ZBTB10: variants seen among roughly 807,000 people sequenced by gnomAD.
The protein encoded by ZBTB10 is zinc finger and BTB domain-containing protein 10.
ZBTB10 carries 32 observed loss-of-function variants against 76.4 expected under a neutral mutation model. That is an observed-to-expected ratio of 0.42 (90% CI 0.32 to 0.56). ZBTB10 has a LOEUF of 0.56. ZBTB10 is among the 20% of genes least tolerant of loss of function. The pLI is 0.14. For synonymous variants in ZBTB10, 523 were observed against 432.9 expected, an observed-to-expected ratio of 1.21 and a Z score of -2.58; for missense variants, 1,057 against 1,098.5, an observed-to-expected ratio of 0.96 and a Z score of 0.53.
At position 80,524,989 on chromosome 8, in the gene ZBTB10, TCAA is replaced by T. The variant is rs374571176; in HGVS notation, c.*5465_*5467del. On this transcript the variant is annotated 3_prime_UTR_variant, in exon 6 of 6. Transcript: ENST00000455036. ...TGTAGTTGCTTTTTATTTTGCTTAG[TCAA>T]CAAACACTAAAATGATAAAATTTGG... The T allele has an allele frequency of 3.5e-3, 531 of 152,230 alleles. 5 individuals carry two copies. The highest frequency in any genetic ancestry group is 0.012 in the African/African-American group (511 of 41,558). 9.4% of individuals were successfully genotyped at this position (152,230 alleles called of 1,614,324 possible). A position where few individuals can be genotyped will look rare whatever the true frequency, so the allele number is the denominator to read the frequency against.
chr8:80,503,327 CA>C (rs1419695099), intron 2 of ZBTB10, among the ~76,000 whole-genome samples: 1 of 152,006 alleles, frequency 6.6e-6, no homozygotes, highest in Non-Finnish European at 1.5e-5. Context: ...TACTTTCTAC[CA>C]AATGCCAGAT....
intron 1 of ZBTB10, among the ~76,000 whole-genome samples, chr8:80,495,602 A>G (rs919406675): frequency 6.6e-6 from 1 of 152,090 alleles, no homozygotes; most frequent in African/African-American, 2.4e-5. Flanking sequence ...CTTACCCACT[A>G]ACAGTAACTT....
chr8:80,486,253 T>C lies in ZBTB10; in HGVS notation c.-558T>C. On this transcript the variant is annotated 5_prime_UTR_variant, in exon 1 of 6. Transcript: ENST00000455036. ...TTGCCATTCGACCTCCGCCAGGGCC[T>C]GGTCGGACGGAAACGCTCCGCCGGC... 2.0e-6 allele frequency: 2 copies of C among 1,023,476 alleles called. No individual in the cohort carries two copies. Among genetic ancestry groups the C allele is most frequent in the Non-Finnish European group, 2.3e-6 (2 of 855,998 alleles). 63.4% of individuals were successfully genotyped at this position (1,023,476 alleles called of 1,614,324 possible). A position where few individuals can be genotyped will look rare whatever the true frequency, so the allele number is the denominator to read the frequency against.
intron 3 of ZBTB10, among the ~76,000 whole-genome samples, chr8:80,514,222 T>C (rs1407829029): frequency 6.6e-6 from 1 of 152,242 alleles, no homozygotes; most frequent in Non-Finnish European, 1.5e-5. Flanking sequence ...TGTTTAGTTT[T>C]AAAAACTCCT....
At chr8:80,501,113 G>A (rs1815913495) in intron 2 of ZBTB10, among the ~76,000 whole-genome samples, 2 of 152,108 alleles carry the variant, frequency 1.3e-5, no homozygotes, top group Non-Finnish European at 2.9e-5. Context: ...TGATCTGCTT[G>A]CCTCGGCCTC....
In ZBTB10 at chr8:80,512,125, C is replaced by T. The variant is rs147395044; in HGVS notation, c.1862-1785C>T. On this transcript the variant is annotated intron_variant, in intron 2 of 5. Transcript: ENST00000455036. The stretch of plus-strand genomic sequence containing the variant: ...ATTTAATGTGGTACCACATTAAATA[C>T]TTGTTCATTGTTCTGACTTCCAACC... Among the ~76,000 whole-genome samples, 315 of 152,208 alleles carry T rather than the reference C, an allele frequency of 2.1e-3. 1 individual carries two copies. The highest frequency in any genetic ancestry group is 6.7e-3 in the African/African-American group (278 of 41,536).
intron 3 of ZBTB10, among the ~76,000 whole-genome samples, chr8:80,515,134 T>C (rs542538716): frequency 6.6e-6 from 1 of 152,314 alleles, no homozygotes; most frequent in South Asian, 2.1e-4. Flanking sequence ...AAATTTCTTA[T>C]ACGGTGGTTA....
At position 80,487,585 on chromosome 8, in the gene ZBTB10, C is replaced by T. The variant is rs1183878091; in HGVS notation, c.775C>T (p.Pro259Ser). 4 of 1,613,236 alleles carry T rather than the reference C, an allele frequency of 2.5e-6. No homozygotes were observed. The highest frequency in any genetic ancestry group is 2.2e-5 in the East Asian group (1 of 44,866). ...CCAGACCTCCTGGCTCAAGGACTTT[C>T]CCTGGCTGCGCTATTCCAAGGATAC... ...SFQTSWLKDFPWLRYSKDTGL... is the reference protein window; with the variant it reads ...SFQTSWLKDFSWLRYSKDTGL... The change falls in exon 1 of 6, where the codon CCC (proline) becomes TCC (serine). Residue 259 changes from proline (P) to serine (S), a missense_variant. Pro to Ser is a moderately conservative substitution (Grantham distance 74, BLOSUM62 -1). This residue lies in a region of ZBTB10 where 556 missense variants were observed against 451.7 expected (regional missense o/e 1.23). Coordinates refer to ENST00000455036, the MANE Select transcript of ZBTB10 (RefSeq NM_001105539.3).
rs962316276 is a variant in ZBTB10 at position 80,519,064 on chromosome 8, A to G, written c.2310+110A>G. On this transcript the variant is annotated intron_variant, in intron 5 of 5. Transcript: ENST00000455036. ...GAATTTAAGGAAGATTGTCTCCTAA[A>G]TTGCTTTAAACAGTTTGACTTTATG... 36 of 1,426,622 alleles carry G rather than the reference A, an allele frequency of 2.5e-5. No homozygotes were observed. In the African/African-American group the frequency reaches 4.5e-4, roughly 18 times the overall value. 88.4% of individuals were successfully genotyped at this position (1,426,622 alleles called of 1,614,324 possible).
At position 80,499,485 on chromosome 8, in the gene ZBTB10, C is replaced by T. The variant is rs1815868089; in HGVS notation, c.973-9C>T. The T allele has an allele frequency of 8.5e-6, 13 of 1,534,232 alleles. No individual in the cohort carries two copies. The highest frequency in any genetic ancestry group is 3.9e-5 in the South Asian group (3 of 77,154). Reference sequence around the variant, plus strand: ...AAGTTTAATATTAATGTTTTTTATCCAATTACAGGAGTCAGAAATACCATC... The same window carrying T: ...AAGTTTAATATTAATGTTTTTTATCTAATTACAGGAGTCAGAAATACCATC... On this transcript the variant is annotated splice_polypyrimidine_tract_variant and intron_variant, in intron 1 of 5. Transcript: ENST00000455036.
At chr8:80,493,857 C>G (rs1326269664) in intron 1 of ZBTB10, among the ~76,000 whole-genome samples, 2 of 152,108 alleles carry the variant, frequency 1.3e-5, no homozygotes, top group Non-Finnish European at 2.9e-5. Context: ...CCTGAATAAC[C>G]ATCGTCTGTC....
chr8:80,486,476 A>G lies in ZBTB10; in HGVS notation c.-335A>G. On this transcript the variant is annotated 5_prime_UTR_variant, in exon 1 of 6. Coordinates refer to ENST00000455036, the MANE Select transcript of ZBTB10 (RefSeq NM_001105539.3). ...CCCCGCACTCCGCTGCTCAACTTCG[A>G]AGGCCTCGCTCGCTGCAGGCTCGCT... 1.1e-5 allele frequency: 11 copies of G among 985,024 alleles called. No individual in the cohort carries two copies. The highest frequency in any genetic ancestry group is 4.7e-5 in the South Asian group (1 of 21,284). The allele number at this position is 985,024 out of a possible 1,614,324, so 61.0% of individuals were successfully genotyped here. A position where few individuals can be genotyped will look rare whatever the true frequency, so the allele number is the denominator to read the frequency against.
chr8:80,491,193 A>G, intron 1 of ZBTB10, among the ~76,000 whole-genome samples: 1 of 152,222 alleles, frequency 6.6e-6, no homozygotes, highest in African/African-American at 2.4e-5. Flanking sequence ...AAGGTGTGCC[A>G]TATTTTTACT....
intron 3 of ZBTB10, among the ~76,000 whole-genome samples, chr8:80,515,432 C>T (rs1013430313): frequency 6.6e-6 from 1 of 152,098 alleles, no homozygotes; most frequent in Admixed American, 6.6e-5. Flanking sequence ...AAGAAACTGC[C>T]TTAAGGTGGT....
chr8:80,502,237 TTTTG>T (rs537074568), intron 2 of ZBTB10, among the ~76,000 whole-genome samples: 200 of 152,278 alleles, frequency 1.3e-3, no homozygotes, highest in African/African-American at 3.9e-3. Context: ...CTTACATCTG[TTTTG>T]TTTGTTTGTT....
intron 1 of ZBTB10, 140 bp from the exon 2 acceptor site, chr8:80,499,354 G>GTTC (rs1815864872): frequency 1.1e-6 from 1 of 919,750 alleles, no homozygotes; most frequent in African/African-American, 1.7e-5. Flanking sequence ...CACCACCACT[G>GTTC]TTCACTCCAT....
chr8:80,487,124 C>T lies in ZBTB10; in HGVS notation c.314C>T (p.Ser105Leu). Residue 105 changes from serine to leucine, a missense_variant, in exon 1 of 6, where the codon TCG (serine) becomes TTG (leucine). Physicochemically the swap from Ser to Leu is moderately radical, Grantham distance 145 (BLOSUM62 -2). Transcript: ENST00000455036. ...CCCCAAGACGCGGGCGGCCCCACCTCGCTTGGCGGTGGCGCGGGGGGCCCC... is the reference window on the plus strand; with the variant it reads ...CCCCAAGACGCGGGCGGCCCCACCTTGCTTGGCGGTGGCGCGGGGGGCCCC... Reference protein sequence around the residue: ...LLPQDAGGPTSLGGGAGGPLL... With the variant: ...LLPQDAGGPTLLGGGAGGPLL... 1.3e-6 allele frequency: 2 copies of T among 1,516,132 alleles called. No individual in the cohort carries two copies. Among genetic ancestry groups the T allele is most frequent in the South Asian group, 1.2e-5 (1 of 81,224 alleles). 93.9% of individuals were successfully genotyped at this position (1,516,132 alleles called of 1,614,324 possible).
At chr8:80,509,494 T>C (rs897247574) in intron 2 of ZBTB10, among the ~76,000 whole-genome samples, 5 of 152,198 alleles carry the variant, frequency 3.3e-5, no homozygotes, top group African/African-American at 1.2e-4. Context: ...CTCAGTCTTG[T>C]TTAATTTAGC....
intron 1 of ZBTB10, among the ~76,000 whole-genome samples, chr8:80,491,444 C>T (rs1044087626): frequency 2.0e-5 from 3 of 152,156 alleles, no homozygotes; most frequent in Non-Finnish European, 4.4e-5. Context: ...AACTGTATGT[C>T]ATGAAAGGTT....
Sources: allele counts gnomAD v4.1 joint callset (sites outside exome capture counted in the v4.1 genomes callset), GRCh38; gene constraint gnomAD v4.1.1; regional missense constraint gnomAD v4.1.1; transcripts MANE v1.5; gene names NCBI Gene and HGNC (gene_info 2026-07-23, HGNC 2026-07-21).